Variants in SCN9A observed in about 807,000 individuals in gnomAD.
SCN9A encodes sodium voltage-gated channel alpha subunit 9, also known as sodium channel protein type 9 subunit alpha.
A neutral mutation model predicts 187.0 loss-of-function variants in SCN9A; 131 were observed. That is an observed-to-expected ratio of 0.70 (90% CI 0.61 to 0.81). The LOEUF (loss-of-function observed/expected upper bound fraction) is 0.81. Among genes scored for constraint, SCN9A ranks in the 30% least tolerant of loss-of-function variants. The pLI, the probability that SCN9A is intolerant of heterozygous loss-of-function variation, is 0.00. For synonymous variants in SCN9A, 809 were observed against 808.6 expected (o/e 1.00, Z -0.01); for missense variants, 2,252 against 2,396.6 (o/e 0.94, Z 1.26).
chr2:166,302,104 A>G (rs1698578705), intron 7 of SCN9A: 1 of 150,910 alleles, frequency 6.6e-6, no homozygotes, highest in South Asian at 2.1e-4. Flanking sequence ...TTCCTCCCTC[A>G]TTTCCTTTTG....
chr2:166,316,434 C>T (rs928669939), intron 1 of SCN9A, among the ~76,000 whole-genome samples: 3 of 152,160 alleles, frequency 2.0e-5, no homozygotes, highest in African/African-American at 7.2e-5. Context: ...GTGGCTCACG[C>T]CTATAATCCC....
rs1300712760 is a variant in SCN9A, at chr2:166,204,377, G to T, written c.4486C>A (p.Pro1496Thr). 5.6e-6 allele frequency: 9 copies of T among 1,608,536 alleles called. No individual in the cohort carries two copies. In the South Asian group the frequency reaches 1.0e-4, roughly 18 times the overall value. ...KKLGSKKPQK[P>T]IPRPGNKIQG... is the part of the protein sequence containing the mutation. Reference sequence around the variant, plus strand: ...TTTTTTACCCCTGGTCGAGGAATTGGCTTTTGTGGCTTCTTGGACCCCAGC... The same window carrying T: ...TTTTTTACCCCTGGTCGAGGAATTGTCTTTTGTGGCTTCTTGGACCCCAGC... Residue 1496 changes from proline (P) to threonine (T), a missense_variant, in exon 25 of 27, where the codon CCA becomes ACA. Pro to Thr is a conservative substitution (Grantham distance 38). This residue lies in a region of SCN9A where 368 missense variants were observed against 408.6 expected (regional missense o/e 0.90). Transcript: ENST00000642356.
rs200065104 is a variant in SCN9A at position 166,286,612 on chromosome 2, C to T, written c.1326G>A (p.Ala442=). 1.8e-4 allele frequency: 282 copies of T among 1,548,658 alleles called. No homozygotes were observed. In the African/African-American group the frequency reaches 3.4e-3, roughly 18 times the overall value. ...KEQEEAEAIA[A]AAAEYTSIRR... is the part of the protein sequence containing the mutation. ...TAATACTTGTATATTCAGCCGCTGC[C>T]GCTGCAATTGCCTGGTTGGGCCAAG... The change falls in exon 11 of 27, where the codon GCG becomes GCA. Residue 442 remains alanine, a synonymous_variant. Transcript: ENST00000642356.
rs1354245153 is a variant in SCN9A, at chr2:166,214,529, T to C, written c.4399-10065A>G. Among the ~76,000 whole-genome samples the C allele has an allele frequency of 8.8e-4, 6 of 6,822 alleles. No individual in the cohort carries two copies. The African/African-American group carries it at 0.013, about 15-fold the overall frequency. 4.5% of individuals were successfully genotyped at this position (6,822 alleles called of 152,430 possible). ...TTTTTTTTTTTTTTTTTTTTTGAGATGGAGTCTCGCTGTCTCGCTCTGTCG... is the reference window on the plus strand; with the variant it reads ...TTTTTTTTTTTTTTTTTTTTTGAGACGGAGTCTCGCTGTCTCGCTCTGTCG... On this transcript the variant is annotated intron_variant, in intron 24 of 26. Coordinates refer to ENST00000642356, the MANE Select transcript of SCN9A (RefSeq NM_001365536.1).
chr2:166,265,397 C>T (rs556898946), intron 17 of SCN9A, among the ~76,000 whole-genome samples: 1 of 152,068 alleles, frequency 6.6e-6, no homozygotes, highest in East Asian at 1.9e-4. Context: ...TTTCTTATGG[C>T]TGAATGGCGT....
chr2:166,312,466 A>C (rs995444385), intron 1 of SCN9A, among the ~76,000 whole-genome samples: 1 of 152,152 alleles, frequency 6.6e-6, no homozygotes, highest in African/African-American at 2.4e-5. Context: ...GTCATCCATG[A>C]GAGTTGGAAT....
chr2:166,303,106 A>G lies in SCN9A; in HGVS notation c.885T>C (p.Ser295=), dbSNP rs1698628449. 1.2e-6 allele frequency: 2 copies of G among 1,600,684 alleles called. No homozygotes were observed. Among genetic ancestry groups the G allele is most frequent in the African/African-American group, 2.7e-5 (2 of 74,692 alleles). Residue 295 remains serine (S), a synonymous_variant, in exon 7 of 27, where the codon AGT becomes AGC. Coordinates refer to ENST00000642356, the MANE Select transcript of SCN9A (RefSeq NM_001365536.1). Reference sequence around the variant, plus strand: ...CATTCTTACTTCTAAAGTCTTCTTCACTCTCTAGGGTATTCATTATGCTTT... The same window carrying G: ...CATTCTTACTTCTAAAGTCTTCTTCGCTCTCTAGGGTATTCATTATGCTTT... ...TLESIMNTLE[S]EEDFRKYFYY...
intron 17 of SCN9A, among the ~76,000 whole-genome samples, chr2:166,270,299 T>C (rs1696917783): frequency 6.6e-6 from 1 of 152,042 alleles, no homozygotes; most frequent in South Asian, 2.1e-4. Flanking sequence ...TACTTTTACA[T>C]TATAAGTAAT....
intron 17 of SCN9A, among the ~76,000 whole-genome samples, chr2:166,267,982 A>G (rs942306074): frequency 6.6e-6 from 1 of 151,980 alleles, no homozygotes; most frequent in Non-Finnish European, 1.5e-5. Context: ...GTCCCCAAGT[A>G]TGTCTTTCAC....
At chr2:166,321,365 C>G (rs1699235770) in intron 1 of SCN9A, 1 of 151,794 alleles carries the variant, frequency 6.6e-6, no homozygotes, top group Admixed American at 6.6e-5. Flanking sequence ...AGGAAAAGTA[C>G]AAAAATTAGC....
chr2:166,291,198 C>T (rs1331689245), intron 9 of SCN9A, among the ~76,000 whole-genome samples: 1 of 152,128 alleles, frequency 6.6e-6, no homozygotes, highest in African/African-American at 2.4e-5. Context: ...AGCCCCAAAA[C>T]TCTTTAAACT....
chr2:166,329,510 G>A (rs566617243), intron 1 of SCN9A, among the ~76,000 whole-genome samples: 1 of 150,522 alleles, frequency 6.6e-6, no homozygotes, highest in East Asian at 2.0e-4. Context: ...CATAGTAAAG[G>A]AAATTAACAT....
At chr2:166,373,443 G>A (rs1417360239) in intron 1 of SCN9A, among the ~76,000 whole-genome samples, 1 of 151,980 alleles carries the variant, frequency 6.6e-6, no homozygotes, top group Non-Finnish European at 1.5e-5. Flanking sequence ...GGAGGCTGTG[G>A]CAGGATTCCA....
chr2:166,272,210 A>G lies in SCN9A; in HGVS notation c.3351+189T>C, dbSNP rs78552672. On this transcript the variant is annotated intron_variant, in intron 17 of 26. Coordinates refer to ENST00000642356, the MANE Select transcript of SCN9A (RefSeq NM_001365536.1). ...CATACAGCTAAGTAAGATTAAATCA[A>G]TTATTAAGAACTAGTAAGAAAACTT... Among the ~76,000 whole-genome samples, 184 of 152,242 alleles carry G rather than the reference A, an allele frequency of 1.2e-3. 1 individual carries two copies. Among genetic ancestry groups the G allele is most frequent in the African/African-American group, 4.4e-3 (181 of 41,550 alleles).
intron 1 of SCN9A, among the ~76,000 whole-genome samples, chr2:166,320,745 GCTGTTTTCCAAAATACTA>G (rs1473720539): frequency 2.6e-5 from 4 of 152,110 alleles, no homozygotes; most frequent in Non-Finnish European, 4.4e-5. Flanking sequence ...TTTATTATCT[GCTGTTTTCCAAAATACTA>G]CTGTTTTAAA....
chr2:166,251,916 G>C, intron 17 of SCN9A, 31 bp from the exon 18 acceptor site: 2 of 1,609,900 alleles, frequency 1.2e-6, no homozygotes, highest in South Asian at 2.2e-5. Flanking sequence ...CCACCAGGTA[G>C]TTCATTTAGA....
intron 1 of SCN9A, among the ~76,000 whole-genome samples, chr2:166,356,436 C>A (rs369556343): frequency 1.1e-4 from 17 of 152,122 alleles, no homozygotes; most frequent in African/African-American, 3.9e-4. Context: ...ACTCCAAGAA[C>A]AGAACATTTT....
At chr2:166,287,627 G>A (rs1697829719) in intron 10 of SCN9A, among the ~76,000 whole-genome samples, 1 of 152,086 alleles carries the variant, frequency 6.6e-6, no homozygotes, top group Admixed American at 6.6e-5. Flanking sequence ...TCAGACAAAT[G>A]TTAAGGCAAC....
At chr2:166,260,006 C>T (rs1157447006) in intron 17 of SCN9A, among the ~76,000 whole-genome samples, 1 of 151,860 alleles carries the variant, frequency 6.6e-6, no homozygotes, top group East Asian at 1.9e-4. Flanking sequence ...TAACTAATCC[C>T]TAAATCTTTC....
Sources: allele counts gnomAD v4.1 joint callset (sites outside exome capture counted in the v4.1 genomes callset), GRCh38; gene constraint gnomAD v4.1.1; regional missense constraint gnomAD v4.1.1; transcripts MANE v1.5; gene names NCBI Gene and HGNC (gene_info 2026-07-23, HGNC 2026-07-21).